Variants in EGF observed in about 807,000 individuals in gnomAD.
EGF encodes the protein pro-epidermal growth factor.
A neutral mutation model predicts 143.8 loss-of-function variants in EGF; 95 were observed. The observed-to-expected ratio is 0.66, with a 90% CI of 0.56 to 0.78. EGF has a LOEUF of 0.78. Ranked by LOEUF, EGF falls within the 30% of genes least tolerant of loss-of-function variation. The pLI, the probability that EGF is intolerant of heterozygous loss-of-function variation, is 0.00. For synonymous variants in EGF, 510 were observed against 510.5 expected, an observed-to-expected ratio of 1.00 and a Z score of 0.01; for missense variants, 1,320 against 1,470.9, an observed-to-expected ratio of 0.90 and a Z score of 1.68.
chr4:110,011,511 T>C lies in EGF; in HGVS notation c.*56T>C. 6.2e-7 allele frequency: 1 copy of C among 1,613,296 alleles called. No homozygotes were observed. Among genetic ancestry groups the C allele is most frequent in the Non-Finnish European group, 8.5e-7 (1 of 1,179,828 alleles). The stretch of plus-strand genomic sequence containing the variant: ...ATGAACTATGTCGATGCACAGTATC[T>C]TTTCTTTCAAAAGTAGAGCAAAACT... On this transcript the variant is annotated 3_prime_UTR_variant, in exon 24 of 24. Transcript: ENST00000265171.
At chr4:109,984,407 G>T (rs1426878592) in intron 16 of EGF, among the ~76,000 whole-genome samples, 1 of 152,040 alleles carries the variant, frequency 6.6e-6, no homozygotes, top group Non-Finnish European at 1.5e-5. Context: ...ATATAAATAA[G>T]GAGGTTCATA....
intron 20 of EGF, among the ~76,000 whole-genome samples, chr4:109,995,168 G>A (rs967727709): frequency 1.4e-4 from 21 of 152,008 alleles, no homozygotes; most frequent in Admixed American, 5.9e-4. Context: ...GGGATTAAAT[G>A]TCTCATCCTG....
At position 110,001,967 on chromosome 4, in the gene EGF, T is replaced by C. The variant is rs1354345664; in HGVS notation, c.3173+2121T>C. 4.1e-6 allele frequency: 4 copies of C among 985,218 alleles called. No individual in the cohort carries two copies. In the Admixed American group the frequency reaches 2.5e-4, roughly 61 times the overall value. The allele number at this position is 985,218 out of a possible 1,614,324, so 61.0% of individuals were successfully genotyped here. A position where few individuals can be genotyped will look rare whatever the true frequency, so the allele number is the denominator to read the frequency against. On this transcript the variant is annotated intron_variant, in intron 21 of 23. Transcript: ENST00000265171. ...GTTTCAGCTATGTGCATAACTACGT[T>C]TGCACTATAGATCAATTCTGACAAG...
At chr4:109,984,271 A>C (rs11569032) in intron 16 of EGF, among the ~76,000 whole-genome samples, 1 of 151,442 alleles carries the variant, frequency 6.6e-6, no homozygotes, top group Non-Finnish European at 1.5e-5. Context: ...AAAATATTTC[A>C]AAACTCCACA....
chr4:109,944,186 C>T, intron 4 of EGF, 117 bp downstream of exon 4: 2 of 1,214,008 alleles, frequency 1.6e-6, no homozygotes, highest in Middle Eastern at 2.7e-4. Flanking sequence ...ATTTTGAATC[C>T]AAAAGACTTG....
At chr4:109,951,203 C>A (rs1379527754) in intron 5 of EGF, among the ~76,000 whole-genome samples, 2 of 119,086 alleles carry the variant, frequency 1.7e-5, no homozygotes, top group Non-Finnish European at 3.6e-5. Context: ...AAATAAAATG[C>A]AAAAATTAAC....
intron 5 of EGF, among the ~76,000 whole-genome samples, chr4:109,957,900 T>C (rs551708325): frequency 6.6e-6 from 1 of 152,374 alleles, no homozygotes; most frequent in Non-Finnish European, 1.5e-5. Flanking sequence ...TCTAGGTATC[T>C]GCCCTTACGC....
chr4:109,999,555 A>G (rs1267920836), intron 20 of EGF, 124 bp from the exon 21 acceptor site: 17 of 1,237,844 alleles, frequency 1.4e-5, no homozygotes, highest in Admixed American at 1.3e-4. Flanking sequence ...TGGATTTTCT[A>G]TATGTTTCTA....
At chr4:109,942,549 T>A (rs1343617043) in intron 2 of EGF, among the ~76,000 whole-genome samples, 1 of 152,176 alleles carries the variant, frequency 6.6e-6, no homozygotes, top group Non-Finnish European at 1.5e-5. Context: ...ATGAAAATCT[T>A]TAACAGTACA....
At chr4:109,921,874 CA>C (rs1480387127) in intron 1 of EGF, among the ~76,000 whole-genome samples, 1 of 151,538 alleles carries the variant, frequency 6.6e-6, no homozygotes, top group Non-Finnish European at 1.5e-5. Flanking sequence ...CTTGTATAAA[CA>C]GGTCAAAAAC....
chr4:109,936,131 C>T (rs1229864960), intron 1 of EGF, among the ~76,000 whole-genome samples: 1 of 152,126 alleles, frequency 6.6e-6, no homozygotes, highest in Non-Finnish European at 1.5e-5. Context: ...ATACCAGCTC[C>T]TCTTTGTACC....
At chr4:109,952,662 GT>G (rs1744136349) in intron 5 of EGF, among the ~76,000 whole-genome samples, 1 of 152,146 alleles carries the variant, frequency 6.6e-6, no homozygotes, top group African/African-American at 2.4e-5. Flanking sequence ...GGAAATATTA[GT>G]AAAATATGGA....
intron 12 of EGF, 109 bp from the exon 13 acceptor site, chr4:109,975,903 A>G (rs552131757): frequency 2.0e-5 from 24 of 1,228,314 alleles, no homozygotes; most frequent in South Asian, 6.1e-5. Context: ...TCCTTAGTGT[A>G]CCACTTTAGT....
At chr4:109,959,571 C>T (rs1338848629) in intron 6 of EGF, 134 bp downstream of exon 6, 1 of 1,367,690 alleles carries the variant, frequency 7.3e-7, no homozygotes, top group Non-Finnish European at 1.0e-6. Context: ...GTCCATTCTC[C>T]CCGTCCCCCA....
chr4:109,956,986 CT>C (rs1372371659), intron 5 of EGF, among the ~76,000 whole-genome samples: 3 of 152,118 alleles, frequency 2.0e-5, no homozygotes, highest in African/African-American at 7.2e-5. Flanking sequence ...ACTCCTGATT[CT>C]GTAAAAATGC....
rs1736039877 is a variant in EGF at position 109,913,368 on chromosome 4, A to G, written c.33A>G (p.Val11=). 1.2e-6 allele frequency: 2 copies of G among 1,613,870 alleles called. No homozygotes were observed. The highest frequency in any genetic ancestry group is 1.7e-6 in the Non-Finnish European group (2 of 1,179,906). MLLTLIILLP[V]VSKFSFVSLS... Reference sequence around the variant, plus strand: ...TCACTCTTATCATTCTGTTGCCAGTAGTTTCAAAATTTAGTTTTGTTAGTC... The same window carrying G: ...TCACTCTTATCATTCTGTTGCCAGTGGTTTCAAAATTTAGTTTTGTTAGTC... The change falls in exon 1 of 24, where the codon GTA becomes GTG. Residue 11 remains valine (V), a synonymous_variant. Coordinates refer to ENST00000265171, the MANE Select transcript of EGF (RefSeq NM_001963.6).
At chr4:109,948,076 A>C (rs1743151819) in intron 5 of EGF, among the ~76,000 whole-genome samples, 1 of 152,256 alleles carries the variant, frequency 6.6e-6, no homozygotes, top group African/African-American at 2.4e-5. Context: ...AGGATAACTG[A>C]AAGCATGAAT....
At chr4:109,991,563 A>G (rs1208788717) in intron 18 of EGF, among the ~76,000 whole-genome samples, 1 of 152,190 alleles carries the variant, frequency 6.6e-6, no homozygotes, top group Admixed American at 6.5e-5. Context: ...ATTGAGAGGA[A>G]GAGAGGCCCT....
At chr4:109,969,780 C>T (rs11568985) in intron 11 of EGF, among the ~76,000 whole-genome samples, 12 of 152,164 alleles carry the variant, frequency 7.9e-5, no homozygotes, top group African/African-American at 2.2e-4. Flanking sequence ...TCTTTTCAGT[C>T]GGTTCTTAGT....
Sources: allele counts gnomAD v4.1 joint callset (sites outside exome capture counted in the v4.1 genomes callset), GRCh38; gene constraint gnomAD v4.1.1; transcripts MANE v1.5; gene names NCBI Gene and HGNC (gene_info 2026-07-23, HGNC 2026-07-21).